The following IL1RAPL1 variants were observed in gnomAD, a reference collection of about 807,000 sequenced individuals.
IL1RAPL1 encodes the protein interleukin-1 receptor accessory protein-like 1.
IL1RAPL1 carries 3 observed loss-of-function variants against 48.4 expected under a neutral mutation model. That is an observed-to-expected ratio of 0.06 (90% CI 0.03 to 0.16). The LOEUF (loss-of-function observed/expected upper bound fraction) is 0.16. Among genes scored for constraint, IL1RAPL1 ranks in the 10% least tolerant of loss-of-function variants. The probability of loss-of-function intolerance (pLI) is 1.00; values close to 1 mark genes in which losing one functional copy is unlikely to be tolerated. For synonymous variants in IL1RAPL1, 185 were observed against 187.7 expected (o/e 0.99, Z 0.12); for missense variants, 349 against 530.6 (o/e 0.66, Z 3.36).
At chrX:29,904,932 CT>C (rs1285365540) in intron 6 of IL1RAPL1, among the ~76,000 whole-genome samples, 1 of 111,685 alleles carries the variant, frequency 9.0e-6, no homozygotes, top group Non-Finnish European at 1.9e-5. Context: ...GTTCTAGATC[CT>C]TGAGGAATCG....
intron 6 of IL1RAPL1, among the ~76,000 whole-genome samples, chrX:29,773,699 G>A (rs1037427237): frequency 3.6e-5 from 4 of 111,389 alleles, no homozygotes. Context: ...AAGGGCACAG[G>A]CTAATGGTGA....
intron 5 of IL1RAPL1, among the ~76,000 whole-genome samples, chrX:29,487,098 A>G (rs960631693): frequency 9.0e-6 from 1 of 111,516 alleles, no homozygotes; most frequent in African/African-American, 3.3e-5. Flanking sequence ...TGCAGATGCC[A>G]GTGTGATTAA....
chrX:28,886,353 G>A (rs1922629007), intron 2 of IL1RAPL1, among the ~76,000 whole-genome samples: 1 of 108,653 alleles, frequency 9.2e-6, no homozygotes, highest in Non-Finnish European at 1.9e-5. Flanking sequence ...TTCACATGAA[G>A]ATATATATGT....
At position 28,937,909 on chromosome X, in the gene IL1RAPL1, G is replaced by A. The variant is rs756058964; in HGVS notation, c.82+148484G>A. 8.1e-5 allele frequency among the ~76,000 whole-genome samples: 9 copies of A among 110,897 alleles called. No homozygotes were observed. In the East Asian group the frequency reaches 2.3e-3, roughly 28 times the overall value. ...GAGAGCCAAATCAGGAATGTAATCC[G>A]TGTCACAGTTGCCACAAAAATAATG... On this transcript the variant is annotated intron_variant, in intron 2 of 10. Coordinates refer to ENST00000378993, the MANE Select transcript of IL1RAPL1 (RefSeq NM_014271.4).
At chrX:29,576,142 A>G (rs1481829341) in intron 5 of IL1RAPL1, among the ~76,000 whole-genome samples, 2 of 105,073 alleles carry the variant, frequency 1.9e-5, no homozygotes, top group Non-Finnish European at 4.0e-5. Context: ...TGGATCTCTG[A>G]TAATCCTCAG....
At chrX:29,941,619 T>C (rs751402324) in intron 8 of IL1RAPL1, 32 bp from the exon 9 acceptor site, 22 of 1,196,013 alleles carry the variant, frequency 1.8e-5, no homozygotes, top group Non-Finnish European at 2.4e-5. Context: ...GTGAATACCA[T>C]ATAATTCCCC....
At chrX:28,748,500 C>T (rs951294669) in intron 1 of IL1RAPL1, among the ~76,000 whole-genome samples, 4 of 111,553 alleles carry the variant, frequency 3.6e-5, no homozygotes, top group Non-Finnish European at 7.5e-5. Flanking sequence ...GTATGTTCAA[C>T]AAAATTTGTT....
intron 6 of IL1RAPL1, among the ~76,000 whole-genome samples, chrX:29,873,405 C>G (rs1462247628): frequency 9.8e-6 from 1 of 102,035 alleles, no homozygotes; most frequent in Non-Finnish European, 2.0e-5. Context: ...ATGTTGAAAG[C>G]TAATCCCTAA....
At chrX:29,356,700 C>T (rs999646184) in intron 3 of IL1RAPL1, among the ~76,000 whole-genome samples, 5 of 111,045 alleles carry the variant, frequency 4.5e-5, no homozygotes, top group East Asian at 2.8e-4. Context: ...TACATCTATA[C>T]GACCGCAAAT....
At chrX:28,695,936 A>G (rs1214300529) in intron 1 of IL1RAPL1, among the ~76,000 whole-genome samples, 1 of 112,020 alleles carries the variant, frequency 8.9e-6, no homozygotes, top group Non-Finnish European at 1.9e-5. Flanking sequence ...CTCTCAATAA[A>G]TGATGGCGTT....
intron 5 of IL1RAPL1, among the ~76,000 whole-genome samples, chrX:29,518,150 C>CA (rs1382789758): frequency 9.0e-6 from 1 of 111,479 alleles, no homozygotes; most frequent in Non-Finnish European, 1.9e-5. Context: ...ATAAAACAGA[C>CA]AAAGAGGCAA....
intron 1 of IL1RAPL1, among the ~76,000 whole-genome samples, chrX:28,738,500 T>A (rs2146951454): frequency 9.0e-6 from 1 of 110,847 alleles, no homozygotes; most frequent in South Asian, 3.9e-4. Context: ...GGGTGGAAGA[T>A]GTTGGAGTTC....
At position 29,102,092 on chromosome X, in the gene IL1RAPL1, A is replaced by G. The variant is rs192064029; in HGVS notation, c.83-180846A>G. The stretch of plus-strand genomic sequence containing the variant: ...ATAGGATCATTTCAATTGATGCTTA[A>G]AAAGCATTTGATAAAATTCAACATC... On this transcript the variant is annotated intron_variant, in intron 2 of 10. Coordinates refer to ENST00000378993, the MANE Select transcript of IL1RAPL1 (RefSeq NM_014271.4). 1.1e-3 allele frequency among the ~76,000 whole-genome samples: 125 copies of G among 111,818 alleles called. 1 individual carries two copies. Among genetic ancestry groups the G allele is most frequent in the Admixed American group, 2.2e-3 (23 of 10,534 alleles).
chrX:29,904,519 C>T (rs766605872), intron 6 of IL1RAPL1, among the ~76,000 whole-genome samples: 1 of 109,602 alleles, frequency 9.1e-6, no homozygotes, highest in Non-Finnish European at 1.9e-5. Flanking sequence ...TGCTCTCCCT[C>T]CCTTTGCCCC....
At chrX:28,792,784 T>C (rs1936555657) in intron 2 of IL1RAPL1, among the ~76,000 whole-genome samples, 1 of 17,148 alleles carries the variant, frequency 5.8e-5, no homozygotes, top group Admixed American at 1.1e-3. Flanking sequence ...CAAGACTCCA[T>C]CTCAAAAAAA....
Position 29,540,002 on chromosome X carries a change from A to G in IL1RAPL1, c.704-128428A>G, listed in dbSNP as rs188497939. Among the ~76,000 whole-genome samples, 7 of 111,851 alleles carry G rather than the reference A, an allele frequency of 6.3e-5. No individual in the cohort carries two copies. The East Asian group carries it at 1.4e-3, about 22-fold the overall frequency. ...AGAAGGAGTCAAACTATATCTCCTC[A>G]TGGATGATATTATTCTACACCTATA... On this transcript the variant is annotated intron_variant, in intron 5 of 10. Transcript: ENST00000378993.
At chrX:28,762,823 C>CACACACACACACACACAG (rs1268556014) in intron 1 of IL1RAPL1, among the ~76,000 whole-genome samples, 4 of 36,786 alleles carry the variant, frequency 1.1e-4, no homozygotes, top group Admixed American at 4.0e-4. Flanking sequence ...CACACACACA[C>CACACACACACACACACAG]AGAGAGAGAG....
intron 5 of IL1RAPL1, among the ~76,000 whole-genome samples, chrX:29,551,994 A>G (rs1241831832): frequency 9.0e-6 from 1 of 111,653 alleles, no homozygotes; most frequent in East Asian, 2.8e-4. Context: ...TCAAAAAACT[A>G]TCGTCTTCTA....
intron 5 of IL1RAPL1, among the ~76,000 whole-genome samples, chrX:29,448,008 T>C (rs1304405316): frequency 3.6e-5 from 4 of 111,656 alleles, no homozygotes; most frequent in African/African-American, 1.3e-4. Flanking sequence ...GAGGTATAAC[T>C]TCAAGTACAT....
Sources: allele counts gnomAD v4.1 joint callset (sites outside exome capture counted in the v4.1 genomes callset), GRCh38; gene constraint gnomAD v4.1.1; transcripts MANE v1.5; gene names NCBI Gene and HGNC (gene_info 2026-07-23, HGNC 2026-07-21).